Variants in MPPED1 observed in about 807,000 individuals in gnomAD.
MPPED1 encodes metallophosphoesterase domain-containing protein 1.
MPPED1 carries 16 observed loss-of-function variants against 36.2 expected under a neutral mutation model. The ratio of observed to expected loss-of-function variants is 0.44; its 90% CI spans 0.30 to 0.67. The LOEUF (loss-of-function observed/expected upper bound fraction) is 0.67, where lower values mean the gene tolerates loss of function less well. Ranked by LOEUF, MPPED1 falls within the 30% of genes least tolerant of loss-of-function variation. The probability of loss-of-function intolerance (pLI) is 0.10; values close to 1 mark genes in which losing one functional copy is unlikely to be tolerated. For missense variants in MPPED1, 307 were observed against 453.4 expected (o/e 0.68, Z 2.93); for synonymous variants, 199 against 191.3 (o/e 1.04, Z -0.33).
At chr22:43,486,874 G>T (rs1931928129) in intron 4 of MPPED1, among the ~76,000 whole-genome samples, 1 of 152,094 alleles carries the variant, frequency 6.6e-6, no homozygotes. Context: ...GCAGGTTCAT[G>T]GGAGAGGGAG....
intron 3 of MPPED1, among the ~76,000 whole-genome samples, chr22:43,470,069 A>T (rs1320481767): frequency 1.4e-5 from 2 of 140,308 alleles, no homozygotes; most frequent in African/African-American, 2.5e-5. Context: ...TATATAAATC[A>T]TCCATCCAGC....
chr22:43,443,771 C>G (rs943916950), intron 3 of MPPED1, among the ~76,000 whole-genome samples: 1 of 151,938 alleles, frequency 6.6e-6, no homozygotes, highest in East Asian at 1.9e-4. Flanking sequence ...CGGCCTGATT[C>G]AGACATTTCC....
chr22:43,475,886 T>C (rs1931558348), intron 4 of MPPED1, among the ~76,000 whole-genome samples: 1 of 53,972 alleles, frequency 1.9e-5, no homozygotes, highest in African/African-American at 6.9e-5. Context: ...ATGATGGTGA[T>C]GATGGTGGTT....
At chr22:43,424,716 C>T (rs1393420878) in intron 1 of MPPED1, among the ~76,000 whole-genome samples, 192 bp from the exon 2 acceptor site, 1 of 151,834 alleles carries the variant, frequency 6.6e-6, no homozygotes, top group Non-Finnish European at 1.5e-5. Flanking sequence ...CCTCCCTTCC[C>T]TTTTCTTTTT....
At chr22:43,431,116 A>G (rs1929670916) in intron 2 of MPPED1, among the ~76,000 whole-genome samples, 1 of 129,776 alleles carries the variant, frequency 7.7e-6, no homozygotes. Context: ...ATCTCAGCTC[A>G]CTGTAACTTC....
intron 6 of MPPED1, among the ~76,000 whole-genome samples, chr22:43,504,892 G>C (rs1932778322): frequency 6.6e-6 from 1 of 151,696 alleles, no homozygotes. Context: ...TGATGATAAG[G>C]GCGGTGATGT....
At chr22:43,479,123 C>T (rs1003518954) in intron 4 of MPPED1, among the ~76,000 whole-genome samples, 2 of 152,152 alleles carry the variant, frequency 1.3e-5, no homozygotes, top group Non-Finnish European at 2.9e-5. Context: ...CTGGGGCCCT[C>T]CACTCCCCTG....
chr22:43,487,838 T>C (rs1030191996), intron 4 of MPPED1, among the ~76,000 whole-genome samples: 5 of 152,036 alleles, frequency 3.3e-5, no homozygotes, highest in Admixed American at 1.3e-4. Context: ...CCAACTGTTT[T>C]GCCCTGAGGA....
At chr22:43,487,025 G>T in intron 4 of MPPED1, among the ~76,000 whole-genome samples, 1 of 152,136 alleles carries the variant, frequency 6.6e-6, no homozygotes, top group East Asian at 1.9e-4. Context: ...GAGTGAAGAG[G>T]GCTAGTGTGT....
intron 3 of MPPED1, among the ~76,000 whole-genome samples, chr22:43,463,953 G>C (rs1179232745): frequency 6.6e-6 from 1 of 151,008 alleles, no homozygotes; most frequent in African/African-American, 2.4e-5. Flanking sequence ...CTGTTGCCCA[G>C]GCTGGGGTGT....
rs538006131 is a variant in MPPED1 at position 43,506,436 on chromosome 22, T to A, written c.*820T>A. ...GGATGGAGGGTCTGCAGGCTTAGGC[T>A]GCAGCAGGCCTGCCATGGGTGTGAA... is the stretch of plus-strand genomic sequence containing the variant. On this transcript the variant is annotated 3_prime_UTR_variant, in exon 7 of 7. Transcript: ENST00000443721. The A allele has an allele frequency of 6.6e-6, 1 of 152,442 alleles. No individual in the cohort carries two copies. The highest frequency in any genetic ancestry group is 6.5e-5 in the Admixed American group (1 of 15,308). 9.4% of individuals were successfully genotyped at this position (152,442 alleles called of 1,614,324 possible).
Position 43,505,846 on chromosome 22 carries a change from C to T in MPPED1, c.*230C>T, listed in dbSNP as rs548425610. The stretch of plus-strand genomic sequence containing the variant: ...TCATTTACTTTTTCTGCGTGTACAT[C>T]CTGCGTGTACCTCGTTAAAGGACCT... On this transcript the variant is annotated 3_prime_UTR_variant, in exon 7 of 7. Coordinates refer to ENST00000443721, the MANE Select transcript of MPPED1 (RefSeq NM_001044370.2). 7.9e-6 allele frequency: 4 copies of T among 509,340 alleles called. No individual in the cohort carries two copies. In the South Asian group the frequency reaches 8.8e-5, roughly 11 times the overall value. The allele number at this position is 509,340 out of a possible 1,614,324, so 31.6% of individuals were successfully genotyped here.
intron 3 of MPPED1, among the ~76,000 whole-genome samples, chr22:43,467,679 A>T (rs933847588): frequency 1.2e-4 from 18 of 152,196 alleles, no homozygotes; most frequent in Admixed American, 2.6e-4. Flanking sequence ...TGTACTAAAA[A>T]TGCAATCAGA....
chr22:43,471,907 G>C (rs1931390438), intron 3 of MPPED1, among the ~76,000 whole-genome samples: 1 of 152,240 alleles, frequency 6.6e-6, no homozygotes, highest in Non-Finnish European at 1.5e-5. Context: ...GGAGGTGGAA[G>C]GGGCTTGTAG....
intron 3 of MPPED1, 70 bp downstream of exon 3, chr22:43,435,285 T>C: frequency 6.7e-7 from 1 of 1,491,640 alleles, no homozygotes; most frequent in Non-Finnish European, 9.0e-7. Context: ...CTCCCGAGGC[T>C]GCCTGCCTGC....
Position 43,474,583 on chromosome 22 carries a change from G to A in MPPED1, c.407-153G>A, listed in dbSNP as rs1455577582. On this transcript the variant is annotated intron_variant, in intron 3 of 6. Transcript: ENST00000443721. This position sits in a 1 kb window ranked among gnomAD's most constrained non-coding sequence, Gnocchi z 5.2. The stretch of plus-strand genomic sequence containing the variant: ...CACCCCTGCAGGCAGCCTGCCCTAT[G>A]AGTACAAGATCGTGATCGCGGGCAA... 6.6e-6 allele frequency among the ~76,000 whole-genome samples: 1 copy of A among 151,670 alleles called. No homozygotes were observed. Among genetic ancestry groups the A allele is most frequent in the Non-Finnish European group, 1.5e-5 (1 of 67,970 alleles).
At chr22:43,484,683 C>G (rs368187591) in intron 4 of MPPED1, among the ~76,000 whole-genome samples, 1 of 152,204 alleles carries the variant, frequency 6.6e-6, no homozygotes, top group Non-Finnish European at 1.5e-5. Context: ...TCATCCCCTG[C>G]CTTGAGCCCA....
chr22:43,504,855 AGAT>A (rs141560858), intron 6 of MPPED1, among the ~76,000 whole-genome samples: 85,260 of 148,942 alleles, frequency 0.57, 25,003 homozygotes, highest in East Asian at 0.85. Flanking sequence ...GCATTAGTGA[AGAT>A]GATGATGATG....
intron 3 of MPPED1, among the ~76,000 whole-genome samples, chr22:43,443,114 G>A (rs1930210173): frequency 6.6e-6 from 1 of 152,176 alleles, no homozygotes; most frequent in African/African-American, 2.4e-5. Context: ...GTAGGCTGGT[G>A]GTGACTGGAG....
Sources: allele counts gnomAD v4.1 joint callset (sites outside exome capture counted in the v4.1 genomes callset), GRCh38; gene constraint gnomAD v4.1.1; non-coding constraint Gnocchi (gnomAD v3.1); transcripts MANE v1.5; gene names NCBI Gene and HGNC (gene_info 2026-07-23, HGNC 2026-07-21).